NIN: variants seen among roughly 807,000 people sequenced by gnomAD.
NIN encodes glycogen synthase kinase 3 beta-interacting protein.
Under a neutral mutation model 257.6 loss-of-function variants are expected in NIN, and 137 were observed. That is an observed-to-expected ratio of 0.53 (90% CI 0.46 to 0.61). NIN has a LOEUF of 0.61. Ranked by LOEUF, NIN falls within the 20% of genes least tolerant of loss-of-function variation. NIN has a pLI of 0.00. For missense variants in NIN, 2,439 were observed against 2,501.2 expected (o/e 0.98, Z 0.53); for synonymous variants, 918 against 919.8 (o/e 1.00, Z 0.04).
chr14:50,813,690 C>G (rs2044747235), intron 3 of NIN, among the ~76,000 whole-genome samples: 1 of 152,182 alleles, frequency 6.6e-6, no homozygotes. Context: ...AAACTCATCT[C>G]GTGCAATCAT....
intron 7 of NIN, among the ~76,000 whole-genome samples, chr14:50,774,693 C>T (rs1370554168): frequency 6.6e-6 from 1 of 152,012 alleles, no homozygotes; most frequent in African/African-American, 2.4e-5. Flanking sequence ...AAGTTTGGCT[C>T]TAACATTAGA....
intron 4 of NIN, among the ~76,000 whole-genome samples, chr14:50,796,461 T>C (rs774499171): frequency 7.9e-5 from 12 of 152,132 alleles, no homozygotes; most frequent in Non-Finnish European, 1.5e-4. Flanking sequence ...GTTAAAAAGA[T>C]GAAGAAAATA....
chr14:50,821,363 G>A (rs1287975308), intron 3 of NIN, among the ~76,000 whole-genome samples: 2 of 152,218 alleles, frequency 1.3e-5, no homozygotes, highest in African/African-American at 4.8e-5. Context: ...CCTGCTGGAA[G>A]CAAGCCGTGC....
At chr14:50,752,794 AAAAC>A in intron 20 of NIN, 61 bp from the exon 21 acceptor site, 2 of 969,562 alleles carry the variant, frequency 2.1e-6, no homozygotes, top group Non-Finnish European at 3.1e-6. Flanking sequence ...AAAAAAAAAA[AAAAC>A]AGATTTAGAG....
At chr14:50,820,147 T>C (rs888532443) in intron 3 of NIN, among the ~76,000 whole-genome samples, 1 of 152,236 alleles carries the variant, frequency 6.6e-6, no homozygotes, top group African/African-American at 2.4e-5. Flanking sequence ...TATGCATCCA[T>C]CTATTTAACT....
chr14:50,776,943 G>A lies in NIN; in HGVS notation c.666+6C>T. 6.2e-7 allele frequency: 1 copy of A among 1,609,260 alleles called. No individual in the cohort carries two copies. The highest frequency in any genetic ancestry group is 8.5e-7 in the Non-Finnish European group (1 of 1,177,584). On this transcript the variant is annotated splice_donor_region_variant and intron_variant, in intron 7 of 30. Coordinates refer to ENST00000530997, the MANE Select transcript of NIN (RefSeq NM_020921.4). The stretch of plus-strand genomic sequence containing the variant: ...TATCATTCCTGAATTATACTGCGAG[G>A]CTTACCTCTCCATCCACATTCTGTA...
intron 5 of NIN, among the ~76,000 whole-genome samples, chr14:50,779,517 G>C (rs570936656): frequency 6.6e-6 from 1 of 152,316 alleles, no homozygotes; most frequent in African/African-American, 2.4e-5. Flanking sequence ...CCAGCACTTT[G>C]GGAGGCCGAG....
At chr14:50,736,306 T>C (rs1330654627) in intron 27 of NIN, among the ~76,000 whole-genome samples, 1 of 150,800 alleles carries the variant, frequency 6.6e-6, no homozygotes, top group Non-Finnish European at 1.5e-5. Context: ...CTAGTTTTTG[T>C]ATATTTTTTT....
intron 25 of NIN, 79 bp downstream of exon 25, chr14:50,741,503 T>A: frequency 8.7e-7 from 1 of 1,143,760 alleles, no homozygotes; most frequent in East Asian, 2.6e-5. Flanking sequence ...CATATACACA[T>A]AAAAATAACC....
Position 50,738,124 on chromosome 14 carries a change from A to G in NIN, c.5775+16T>C, listed in dbSNP as rs115779410. 1.6e-3 allele frequency: 2,557 copies of G among 1,613,458 alleles called. 29 individuals carry two copies. The African/African-American group carries it at 0.027, about 17-fold the overall frequency. On this transcript the variant is annotated intron_variant, in intron 27 of 30. Transcript: ENST00000530997. ...GTGAGAACACAGATGTACGCCATAT[A>G]TTCTCAAAAACTCACCTTCCTGTTA...
chr14:50,803,289 G>T (rs1480727930), intron 4 of NIN, among the ~76,000 whole-genome samples: 2 of 152,280 alleles, frequency 1.3e-5, no homozygotes, highest in East Asian at 3.9e-4. Flanking sequence ...GGAGGCGGAG[G>T]TTGCAGTGAA....
At chr14:50,787,383 G>C (rs1367970020) in intron 5 of NIN, among the ~76,000 whole-genome samples, 1 of 152,164 alleles carries the variant, frequency 6.6e-6, no homozygotes, top group African/African-American at 2.4e-5. Flanking sequence ...GCCCTCAGAA[G>C]AAACATGAGC....
chr14:50,830,289 C>T (rs963851246), intron 2 of NIN, among the ~76,000 whole-genome samples, 175 bp downstream of exon 2: 2 of 152,246 alleles, frequency 1.3e-5, no homozygotes, highest in African/African-American at 4.8e-5. Context: ...CCAAACCCAG[C>T]GGTGCTGCCG....
intron 5 of NIN, among the ~76,000 whole-genome samples, chr14:50,791,347 AGAAGGACTCCT>A (rs1746696311): frequency 6.6e-6 from 1 of 152,140 alleles, no homozygotes; most frequent in African/African-American, 2.4e-5. Flanking sequence ...CCAAGAAAGG[AGAAGGACTCCT>A]GAAACTGTTC....
intron 5 of NIN, among the ~76,000 whole-genome samples, chr14:50,791,123 A>AT (rs952237479): frequency 4.6e-5 from 7 of 152,166 alleles, no homozygotes; most frequent in Non-Finnish European, 1.0e-4. Context: ...ACATTTAACC[A>AT]TTTTTTTCAT....
intron 4 of NIN, among the ~76,000 whole-genome samples, chr14:50,793,234 A>G (rs1313247224): frequency 6.6e-6 from 1 of 152,090 alleles, no homozygotes; most frequent in Non-Finnish European, 1.5e-5. Context: ...GAGACATCAT[A>G]TTAACAAAGA....
intron 6 of NIN, among the ~76,000 whole-genome samples, chr14:50,778,355 G>C (rs777861555): frequency 6.6e-6 from 1 of 152,040 alleles, no homozygotes; most frequent in Non-Finnish European, 1.5e-5. Context: ...TTTTAGTAGA[G>C]ACGGGGTATG....
rs762429558 is a variant in NIN, at chr14:50,763,995, A to C, written c.1636-31T>G. 67 of 1,585,580 alleles carry C rather than the reference A, an allele frequency of 4.2e-5. No individual in the cohort carries two copies. The South Asian group carries it at 7.4e-4, about 18-fold the overall frequency. On this transcript the variant is annotated intron_variant, in intron 14 of 30. Coordinates refer to ENST00000530997, the MANE Select transcript of NIN (RefSeq NM_020921.4). ...ATTTAAAAACCAACACTGGTCTTAG[A>C]TGTGACACCAAAAGCATAAGCAACA... is the stretch of plus-strand genomic sequence containing the variant.
At position 50,756,968 on chromosome 14, in the gene NIN, G is replaced by T; in HGVS notation, c.4062C>A (p.Asn1354Lys). Residue 1354 changes from asparagine to lysine, a missense_variant, in exon 18 of 31, where the codon AAC (asparagine) becomes AAA (lysine). Physicochemically the swap from Asn to Lys is moderately conservative, Grantham distance 94. Around this residue, in one of 3 missense-constraint regions of NIN, gnomAD observed 2,043 missense variants for 2,050.2 expected, o/e 1.00. Coordinates refer to ENST00000530997, the MANE Select transcript of NIN (RefSeq NM_020921.4). ...DCCLWEASLENLEIEPDGNIL... is the reference protein window; with the variant it reads ...DCCLWEASLEKLEIEPDGNIL... Reference sequence around the variant, plus strand: ...TATTTCCATCAGGTTCGATTTCCAGGTTCTCTAAACTGGCTTCCCATAAGC... The same window carrying T: ...TATTTCCATCAGGTTCGATTTCCAGTTTCTCTAAACTGGCTTCCCATAAGC... The T allele has an allele frequency of 6.2e-7, 1 of 1,611,082 alleles. No homozygotes were observed. Among genetic ancestry groups the T allele is most frequent in the Non-Finnish European group, 8.5e-7 (1 of 1,178,318 alleles).
Sources: allele counts gnomAD v4.1 joint callset (sites outside exome capture counted in the v4.1 genomes callset), GRCh38; gene constraint gnomAD v4.1.1; regional missense constraint gnomAD v4.1.1; transcripts MANE v1.5; gene names NCBI Gene and HGNC (gene_info 2026-07-23, HGNC 2026-07-21).